LGALS2: variants seen among roughly 807,000 people sequenced by gnomAD.
LGALS2 encodes galectin-2.
LGALS2 carries 7 observed loss-of-function variants against 10.1 expected under a neutral mutation model. The observed-to-expected ratio is 0.70, with a 90% CI of 0.40 to 1.31. The LOEUF (loss-of-function observed/expected upper bound fraction) is 1.31, where lower values mean the gene tolerates loss of function less well. Ranked by LOEUF, LGALS2 falls within the 50% of genes most tolerant of loss-of-function variation. The pLI is 0.01. For missense variants in LGALS2, 167 were observed against 163.6 expected (o/e 1.02, Z -0.11); for synonymous variants, 86 against 64.2 (o/e 1.34, Z -1.63).
At chr22:37,571,824 C>A in intron 2 of LGALS2, 25 bp downstream of exon 2, 5 of 1,602,906 alleles carry the variant, frequency 3.1e-6, no homozygotes, top group Non-Finnish European at 4.3e-6. Context: ...CCTGCAGACT[C>A]CCCCAACCCT....
At chr22:37,571,561 C>T (rs1019413686) in intron 2 of LGALS2, among the ~76,000 whole-genome samples, 2 of 152,206 alleles carry the variant, frequency 1.3e-5, no homozygotes, top group African/African-American at 4.8e-5. Context: ...GGCACCTGCC[C>T]CGCAGGGGGC....
Position 37,570,858 on chromosome 22 carries a change from C to T in LGALS2, c.90-123G>A, listed in dbSNP as rs1925477460. The T allele has an allele frequency of 7.3e-6, 8 of 1,098,336 alleles. 1 individual carries two copies. In the South Asian group the frequency reaches 1.0e-4, roughly 14 times the overall value. 68.0% of individuals were successfully genotyped at this position (1,098,336 alleles called of 1,614,324 possible). On this transcript the variant is annotated intron_variant, in intron 2 of 3. Coordinates refer to ENST00000215886, the MANE Select transcript of LGALS2 (RefSeq NM_006498.3). ...AAGCTTGTGTTAGTTGAGATCTGTG[C>T]CTTAAAACAAGGGAGGTAACAACCT...
At position 37,570,602 on chromosome 22, in the gene LGALS2, A is replaced by C. The variant is rs370263500; in HGVS notation, c.223T>G (p.Cys75Gly). 1 of 1,614,112 alleles carries C rather than the reference A, an allele frequency of 6.2e-7. No homozygotes were observed. Among genetic ancestry groups the C allele is most frequent in the Non-Finnish European group, 8.5e-7 (1 of 1,180,040 alleles). Residue 75 changes from cysteine (C) to glycine (G), a missense_variant, in exon 3 of 4, where the codon TGC becomes GGC. Cys to Gly is a radical substitution (Grantham distance 159, BLOSUM62 -3). Transcript: ENST00000215886. The stretch of plus-strand genomic sequence containing the variant: ...TTGACCTCTGACCCTGGGCTGAAGC[A>C]CAGGTGATCTTCCCGTTGTTCTTGC... ...WGQEQREDHL[C>G]FSPGSEVKFT...
Position 37,579,989 on chromosome 22 carries a change from G to C in LGALS2, c.-84C>G. 1 of 1,470,504 alleles carries C rather than the reference G, an allele frequency of 6.8e-7. No individual in the cohort carries two copies. The highest frequency in any genetic ancestry group is 9.4e-7 in the Non-Finnish European group (1 of 1,058,612). 91.1% of individuals were successfully genotyped at this position (1,470,504 alleles called of 1,614,324 possible). On this transcript the variant is annotated 5_prime_UTR_variant, in exon 1 of 4. Coordinates refer to ENST00000215886, the MANE Select transcript of LGALS2 (RefSeq NM_006498.3). Reference sequence around the variant, plus strand: ...AACTCGTGGTCAAGCTTATATCCTAGAATATTACACATTAACTCCCTCAAG... The same window carrying C: ...AACTCGTGGTCAAGCTTATATCCTACAATATTACACATTAACTCCCTCAAG...
At chr22:37,577,490 C>T (rs188325476) in intron 1 of LGALS2, among the ~76,000 whole-genome samples, 8 of 150,774 alleles carry the variant, frequency 5.3e-5, no homozygotes, top group Admixed American at 2.7e-4. Flanking sequence ...GCTGGGATTA[C>T]GGGTGCCCAC....
intron 1 of LGALS2, among the ~76,000 whole-genome samples, chr22:37,579,247 C>CAAAAAAAAAA (rs111697536): frequency 2.1e-4 from 7 of 33,582 alleles, no homozygotes; most frequent in Non-Finnish European, 3.8e-4. Flanking sequence ...GACTCCATCT[C>CAAAAAAAAAA]AAAAAAAAAA....
At position 37,570,648 on chromosome 22, in the gene LGALS2, T is replaced by A. The variant is rs186466916; in HGVS notation, c.177A>T (p.Ser59=). The part of the protein sequence containing the change: ...RFSESTIVCN[S]LDGSNWGQEQ... Reference sequence around the variant, plus strand: ...CTTGCCCCCAGTTGCTGCCGTCCAATGAGTTGCAGACAATGGTGGATTCGC... The same window carrying A: ...CTTGCCCCCAGTTGCTGCCGTCCAAAGAGTTGCAGACAATGGTGGATTCGC... The change falls in exon 3 of 4, where the codon TCA becomes TCT. Residue 59 remains serine (S), a synonymous_variant. Transcript: ENST00000215886. 6.2e-7 allele frequency: 1 copy of A among 1,614,230 alleles called. No individual in the cohort carries two copies. The highest frequency in any genetic ancestry group is 2.2e-5 in the East Asian group (1 of 44,884).
At chr22:37,572,660 G>A (rs141973107) in intron 1 of LGALS2, among the ~76,000 whole-genome samples, 11,620 of 151,684 alleles carry the variant, frequency 0.077, 1,088 homozygotes, top group African/African-American at 0.23. Context: ...CCAGCTACTC[G>A]GGAGGCTGAG....
intron 1 of LGALS2, among the ~76,000 whole-genome samples, chr22:37,579,507 A>G (rs1222938327): frequency 1.3e-5 from 2 of 152,012 alleles, no homozygotes; most frequent in African/African-American, 4.8e-5. Flanking sequence ...ATCTCGGCTC[A>G]CCATAACCTC....
At chr22:37,575,203 C>CTTTTTT (rs35861132) in intron 1 of LGALS2, among the ~76,000 whole-genome samples, 2 of 128,692 alleles carry the variant, frequency 1.6e-5, no homozygotes, top group Admixed American at 8.5e-5. Flanking sequence ...TCTTTTCTTT[C>CTTTTTT]TTTTTTTTTT....
chr22:37,574,396 G>A (rs1389656226), intron 1 of LGALS2, among the ~76,000 whole-genome samples: 7 of 151,250 alleles, frequency 4.6e-5, no homozygotes, highest in Non-Finnish European at 5.9e-5. Flanking sequence ...CATGCCTGTC[G>A]TCCCAGCTAC....
intron 1 of LGALS2, among the ~76,000 whole-genome samples, chr22:37,573,291 G>A (rs950552147): frequency 2.0e-5 from 3 of 151,598 alleles, no homozygotes; most frequent in East Asian, 1.9e-4. Flanking sequence ...ACAAACAAAC[G>A]AACAAAAACT....
At chr22:37,574,657 T>G (rs1925614145) in intron 1 of LGALS2, among the ~76,000 whole-genome samples, 1 of 152,128 alleles carries the variant, frequency 6.6e-6, no homozygotes, top group Admixed American at 6.6e-5. Context: ...CTCACTGACT[T>G]TTTATTTCCA....
chr22:37,577,983 A>C (rs1925738561), intron 1 of LGALS2, among the ~76,000 whole-genome samples: 1 of 152,170 alleles, frequency 6.6e-6, no homozygotes, highest in Non-Finnish European at 1.5e-5. Flanking sequence ...AGTCACCAAA[A>C]CCAAGACAGA....
At chr22:37,571,744 C>T in intron 2 of LGALS2, 105 bp downstream of exon 2, 1 of 874,084 alleles carries the variant, frequency 1.1e-6, no homozygotes, top group South Asian at 1.4e-5. Flanking sequence ...GCCCATTGGC[C>T]TGACGTCCCT....
intron 1 of LGALS2, among the ~76,000 whole-genome samples, chr22:37,576,599 C>T (rs1010283558): frequency 3.9e-5 from 6 of 152,160 alleles, no homozygotes; most frequent in African/African-American, 9.7e-5. Context: ...CACTCACAGA[C>T]GTGTGCCCTG....
intron 1 of LGALS2, among the ~76,000 whole-genome samples, chr22:37,572,804 A>AATAAT (rs60629749): frequency 3.7e-5 from 5 of 135,956 alleles, no homozygotes; most frequent in Non-Finnish European, 6.1e-5. Flanking sequence ...AATAATAAAT[A>AATAAT]AAATAAAATA....
chr22:37,576,655 C>T (rs1024946318), intron 1 of LGALS2, among the ~76,000 whole-genome samples: 2 of 152,172 alleles, frequency 1.3e-5, no homozygotes, highest in Non-Finnish European at 1.5e-5. Flanking sequence ...GGCTCCCTGC[C>T]TCCTGCCAGC....
Position 37,579,991 on chromosome 22 carries a change from A to G in LGALS2, c.-86T>C. ...CTCGTGGTCAAGCTTATATCCTAGA[A>G]TATTACACATTAACTCCCTCAAGGT... On this transcript the variant is annotated 5_prime_UTR_variant, in exon 1 of 4. Coordinates refer to ENST00000215886, the MANE Select transcript of LGALS2 (RefSeq NM_006498.3). The G allele has an allele frequency of 2.1e-6, 3 of 1,438,812 alleles. No individual in the cohort carries two copies. Among genetic ancestry groups the G allele is most frequent in the Non-Finnish European group, 2.9e-6 (3 of 1,031,758 alleles). The allele number at this position is 1,438,812 out of a possible 1,614,324, so 89.1% of individuals were successfully genotyped here. A position where few individuals can be genotyped will look rare whatever the true frequency, so the allele number is the denominator to read the frequency against.
Sources: gnomAD v4.1 joint callset for allele counts (sites outside exome capture counted in the v4.1 genomes callset) on GRCh38, gnomAD v4.1.1 for gene constraint, MANE v1.5 for transcripts, NCBI Gene and HGNC (gene_info 2026-07-23, HGNC 2026-07-21) for gene names.